BCAS4: variants seen among roughly 807,000 people sequenced by gnomAD.
The protein encoded by BCAS4 is breast carcinoma-amplified sequence 4.
In BCAS4, 9 loss-of-function variants were observed where a neutral mutation model predicts 15.7. The observed-to-expected ratio is 0.57, with a 90% confidence interval of 0.34 to 1.00. The LOEUF (loss-of-function observed/expected upper bound fraction) is 1.00. Among genes scored for constraint, BCAS4 ranks in the 50% least tolerant of loss-of-function variants. The probability of loss-of-function intolerance (pLI) is 0.02; values close to 1 mark genes in which losing one functional copy is unlikely to be tolerated. For missense variants in BCAS4, 225 were observed against 239.1 expected (o/e 0.94, Z 0.39); for synonymous variants, 101 against 99.5 (o/e 1.02, Z -0.09).
intron 2 of BCAS4, among the ~76,000 whole-genome samples, chr20:50,828,650 G>A (rs546037768): frequency 2.0e-5 from 3 of 152,238 alleles, no homozygotes; most frequent in East Asian, 1.9e-4. Context: ...ATGGTGGTGC[G>A]TGCCTGTGGT....
rs747955115 is a variant in BCAS4 at position 50,876,490 on chromosome 20, C to T, written c.404C>T (p.Ser135Leu). 1 of 1,613,444 alleles carries T rather than the reference C, an allele frequency of 6.2e-7. No individual in the cohort carries two copies. Among genetic ancestry groups the T allele is most frequent in the South Asian group, 1.1e-5 (1 of 90,972 alleles). The change falls in exon 5 of 5, where the codon TCA (serine) becomes TTA (leucine). Residue 135 changes from serine (S) to leucine (L), a missense_variant. Ser to Leu is a moderately radical substitution (Grantham distance 145). Transcript: ENST00000371608. ...CTTCATTTCTTGTCATTCCAGAAGT[C>T]ACCTGCACCGGTGCCCGTGACGTAC... The part of the protein sequence containing the change: ...SAGLPSFRNK[S>L]PAPVPVTYEL...
intron 1 of BCAS4, among the ~76,000 whole-genome samples, chr20:50,813,115 G>T (rs1040182843): frequency 6.6e-6 from 1 of 152,126 alleles, no homozygotes; most frequent in East Asian, 1.9e-4. Context: ...CACTGTGCCT[G>T]GTCTGTTTTC....
chr20:50,839,238 T>G (rs1412623450), intron 3 of BCAS4, among the ~76,000 whole-genome samples: 1 of 152,250 alleles, frequency 6.6e-6, no homozygotes. Context: ...CCTTTAGCCA[T>G]GTACACACGT....
intron 1 of BCAS4, among the ~76,000 whole-genome samples, chr20:50,800,559 CTTTTT>C (rs562113048): frequency 8.9e-6 from 1 of 112,630 alleles, no homozygotes. Flanking sequence ...TTGAACATCC[CTTTTT>C]TTTTTTTTTT....
At chr20:50,841,268 T>C (rs16995524) in intron 3 of BCAS4, among the ~76,000 whole-genome samples, 22,727 of 152,214 alleles carry the variant, frequency 0.15, 1,807 homozygotes, top group South Asian at 0.19. Flanking sequence ...CCTTGGTGGC[T>C]TCTGAGTTCG....
chr20:50,837,891 A>G (rs2088429029), intron 3 of BCAS4, among the ~76,000 whole-genome samples: 1 of 152,216 alleles, frequency 6.6e-6, no homozygotes, highest in South Asian at 2.1e-4. Flanking sequence ...TTACAAGCAT[A>G]TGTGCTGGCT....
chr20:50,839,459 G>C (rs1468190796), intron 3 of BCAS4, among the ~76,000 whole-genome samples: 2 of 152,154 alleles, frequency 1.3e-5, no homozygotes, highest in Non-Finnish European at 2.9e-5. Flanking sequence ...TCTGAGATTT[G>C]ATGGGCTCTT....
intron 1 of BCAS4, among the ~76,000 whole-genome samples, chr20:50,816,956 C>T (rs914011065): frequency 5.3e-5 from 8 of 151,832 alleles, no homozygotes; most frequent in Non-Finnish European, 8.8e-5. Flanking sequence ...AGGTGTGTGC[C>T]ACCACACCCG....
In BCAS4 at chr20:50,844,012, C is replaced by T. The variant is rs139264111; in HGVS notation, c.399+2112C>T. 2.7e-3 allele frequency among the ~76,000 whole-genome samples: 411 copies of T among 152,080 alleles called. 1 individual carries two copies. The highest frequency in any genetic ancestry group is 9.4e-3 in the African/African-American group (391 of 41,474). On this transcript the variant is annotated intron_variant, in intron 4 of 4. Coordinates refer to ENST00000371608, the MANE Select transcript of BCAS4 (RefSeq NM_198799.4). ...TAGAAAAGTTAGCTGGGCATGGTGG[C>T]GCATCCCTGTGGTCTCAGTTACTCA... is the stretch of plus-strand genomic sequence containing the variant.
rs769088045 is a variant in BCAS4, at chr20:50,876,579, C to A, written c.493C>A (p.His165Asn). 1.9e-6 allele frequency: 3 copies of A among 1,614,158 alleles called. No homozygotes were observed. The highest frequency in any genetic ancestry group is 2.2e-5 in the South Asian group (2 of 91,074). Reference sequence around the variant, plus strand: ...TGTGGACGCCGGGGAAGCACAGCACCACCCCCGCACCTGCCCTCGGCCTTT... The same window carrying A: ...TGTGGACGCCGGGGAAGCACAGCACAACCCCCGCACCTGCCCTCGGCCTTT... The part of the protein sequence containing the change: ...FPVDAGEAQH[H>N]PRTCPRPL Residue 165 changes from histidine to asparagine, a missense_variant, in exon 5 of 5, where the codon CAC becomes AAC. Physicochemically the swap from His to Asn is moderately conservative, Grantham distance 68 (BLOSUM62 1). Coordinates refer to ENST00000371608, the MANE Select transcript of BCAS4 (RefSeq NM_198799.4).
intron 4 of BCAS4, among the ~76,000 whole-genome samples, chr20:50,856,341 T>A (rs1978759485): frequency 6.6e-6 from 1 of 152,234 alleles, no homozygotes; most frequent in Non-Finnish European, 1.5e-5. Context: ...TCCCGATGCC[T>A]GTTCTGGCTG....
At chr20:50,852,970 C>A (rs1465964666) in intron 4 of BCAS4, among the ~76,000 whole-genome samples, 7 of 152,064 alleles carry the variant, frequency 4.6e-5, no homozygotes, top group Non-Finnish European at 1.0e-4. Flanking sequence ...GGTCTGGGTT[C>A]ACTTTGCAAA....
intron 2 of BCAS4, among the ~76,000 whole-genome samples, chr20:50,821,136 C>A (rs1474262906): frequency 1.3e-5 from 2 of 152,244 alleles, no homozygotes; most frequent in East Asian, 3.9e-4. Flanking sequence ...CCTGACTCCA[C>A]AGCCGCCACG....
At chr20:50,870,084 C>T (rs914273252) in intron 4 of BCAS4, among the ~76,000 whole-genome samples, 1 of 152,206 alleles carries the variant, frequency 6.6e-6, no homozygotes, top group Non-Finnish European at 1.5e-5. Context: ...TATTGGCACA[C>T]AGCCATGCCT....
At chr20:50,875,847 C>A in intron 4 of BCAS4, 1 of 423,182 alleles carries the variant, frequency 2.4e-6, no homozygotes. Context: ...TGAGATGGCC[C>A]TGCAGAGCTG....
At chr20:50,866,230 G>A (rs1979351286) in intron 4 of BCAS4, among the ~76,000 whole-genome samples, 1 of 152,230 alleles carries the variant, frequency 6.6e-6, no homozygotes, top group Non-Finnish European at 1.5e-5. Flanking sequence ...ACCGGCCGTG[G>A]TGGGGGCCCC....
chr20:50,816,750 G>C (rs139050268), intron 1 of BCAS4, among the ~76,000 whole-genome samples: 3 of 149,470 alleles, frequency 2.0e-5, no homozygotes, highest in African/African-American at 7.4e-5. Flanking sequence ...TCAGCCTCCT[G>C]GGTAGCTGGG....
chr20:50,814,722 G>A (rs2088117205), intron 1 of BCAS4, among the ~76,000 whole-genome samples: 1 of 152,200 alleles, frequency 6.6e-6, no homozygotes, highest in Non-Finnish European at 1.5e-5. Flanking sequence ...TCCGTAAAAA[G>A]AGGGAAATAG....
intron 3 of BCAS4, among the ~76,000 whole-genome samples, chr20:50,837,907 A>C (rs1338924590): frequency 6.6e-6 from 1 of 152,208 alleles, no homozygotes; most frequent in Non-Finnish European, 1.5e-5. Context: ...TGGCTGAGCC[A>C]GGCCTCTGAG....
Sources: allele counts gnomAD v4.1 joint callset (sites outside exome capture counted in the v4.1 genomes callset), GRCh38; gene constraint gnomAD v4.1.1; transcripts MANE v1.5; gene names NCBI Gene and HGNC (gene_info 2026-07-23, HGNC 2026-07-21).